The following ARAP2 variants were observed in gnomAD, a reference collection of about 807,000 sequenced individuals.
ARAP2 encodes ArfGAP with RhoGAP domain, ankyrin repeat and PH domain 2, also known as arf-GAP with Rho-GAP domain, ANK repeat and PH domain-containing protein 2.
ARAP2 carries 148 observed loss-of-function variants against 194.5 expected under a neutral mutation model. The observed-to-expected ratio is 0.76, with a 90% confidence interval of 0.67 to 0.87. ARAP2 has a LOEUF of 0.87. Among genes scored for constraint, ARAP2 ranks in the 40% least tolerant of loss-of-function variants. The pLI, the probability that ARAP2 is intolerant of heterozygous loss-of-function variation, is 0.00. For missense variants in ARAP2, 2,128 were observed against 1,989.7 expected (o/e 1.07, Z -1.32); for synonymous variants, 695 against 683.5 (o/e 1.02, Z -0.26).
rs796644280 is a variant in ARAP2 at position 36,233,427 on chromosome 4, GATGTGTGACAAA to G, written c.-159-3794_-159-3783del. 5.9e-5 allele frequency among the ~76,000 whole-genome samples: 9 copies of G among 152,250 alleles called. 1 individual carries two copies. In the South Asian group the frequency reaches 1.9e-3, roughly 32 times the overall value. ...TGTTACACCCTCCAATTATAACTAG[GATGTGTGACAAA>G]ATGTGGTAATTACAGTCCTAAGTTC... On this transcript the variant is annotated intron_variant, in intron 1 of 32. Transcript: ENST00000303965.
rs1751474008 is a variant in ARAP2, at chr4:36,231,590, A to C, written c.-159-1945T>G. Among the ~76,000 whole-genome samples the C allele has an allele frequency of 2.6e-5, 4 of 152,334 alleles. No homozygotes were observed. The South Asian group carries it at 8.3e-4, about 32-fold the overall frequency. ...AATTGGCCAATAACTTGAGAGGATT[A>C]GAAGCATTTTCCTTCTGAAGTAGAA... On this transcript the variant is annotated intron_variant, in intron 1 of 32. Coordinates refer to ENST00000303965, the MANE Select transcript of ARAP2 (RefSeq NM_015230.4).
intron 6 of ARAP2, among the ~76,000 whole-genome samples, chr4:36,195,428 T>C (rs191844468): frequency 5.3e-5 from 8 of 152,314 alleles, no homozygotes; most frequent in African/African-American, 1.4e-4. Context: ...CTGGATAAAT[T>C]AGTCACTTTT....
At chr4:36,047,134 C>G (rs1721963195) in intron 3 of ARAP2, 1 of 152,198 alleles carries the variant, frequency 6.6e-6, no homozygotes, top group South Asian at 2.1e-4. Context: ...CTTCTGCATA[C>G]CAGGTTTCTC....
At position 36,229,635 on chromosome 4, in the gene ARAP2, CCTG is replaced by C. The variant is rs756967740; in HGVS notation, c.-152_-150del. 48 of 523,704 alleles carry C rather than the reference CCTG, an allele frequency of 9.2e-5. No homozygotes were observed. Among genetic ancestry groups the C allele is most frequent in the Non-Finnish European group, 1.4e-4 (42 of 306,274 alleles). The allele number at this position is 523,704 out of a possible 1,614,324, so 32.4% of individuals were successfully genotyped here. A position where few individuals can be genotyped will look rare whatever the true frequency, so the allele number is the denominator to read the frequency against. On this transcript the variant is annotated 5_prime_UTR_variant, in exon 2 of 33. Coordinates refer to ENST00000303965, the MANE Select transcript of ARAP2 (RefSeq NM_015230.4). ...TATTTTCTTCACAGTGACTGCTTTA[CCTG>C]CTTAAGCCTAGAAAAAAATAAAAAA...
In ARAP2 at chr4:36,212,470, A is replaced by T; in HGVS notation, c.1059T>A (p.Asn353Lys). ...LENSKKRSIKNEFLTQGEALK... is the reference protein window; with the variant it reads ...LENSKKRSIKKEFLTQGEALK... ...GTGCTTCTCCCTGGGTCAAAAATTC[A>T]TTCTTTATAGATCGCTTCTATTAAA... Residue 353 changes from asparagine (N) to lysine (K), a missense_variant, in exon 5 of 33, where the codon AAT becomes AAA. Asn to Lys is a moderately conservative substitution (Grantham distance 94, BLOSUM62 0). Transcript: ENST00000303965. 6.2e-7 allele frequency: 1 copy of T among 1,611,980 alleles called. No individual in the cohort carries two copies. Among genetic ancestry groups the T allele is most frequent in the Non-Finnish European group, 8.5e-7 (1 of 1,178,586 alleles).
Position 36,118,539 on chromosome 4 carries a change from C to T in ARAP2, c.3963+1111G>A, listed in dbSNP as rs140601345. On this transcript the variant is annotated intron_variant, in intron 24 of 32. Transcript: ENST00000303965. ...TTACATATACAGACTAAACTGAAAG[C>T]ATTCAAAACATCTTTCTTTATTGTA... Among the ~76,000 whole-genome samples, 53 of 151,320 alleles carry T rather than the reference C, an allele frequency of 3.5e-4. 1 individual carries two copies. In the East Asian group the frequency reaches 0.01, roughly 29 times the overall value.
At chr4:36,088,647 A>G (rs921922666) in intron 28 of ARAP2, among the ~76,000 whole-genome samples, 1 of 152,116 alleles carries the variant, frequency 6.6e-6, no homozygotes, top group Non-Finnish European at 1.5e-5. Context: ...TGAGGAAAGC[A>G]AACATTGGAA....
intron 3 of ARAP2, among the ~76,000 whole-genome samples, chr4:36,049,787 T>C (rs1179861454): frequency 6.6e-6 from 1 of 152,070 alleles, no homozygotes; most frequent in Non-Finnish European, 1.5e-5. Flanking sequence ...CCAATAAACA[T>C]GGAGTATAAG....
chr4:36,136,022 T>G (rs570025248), intron 19 of ARAP2, among the ~76,000 whole-genome samples: 1 of 151,694 alleles, frequency 6.6e-6, no homozygotes, highest in Admixed American at 6.6e-5. Context: ...TAGTGAAGAG[T>G]AGAACTTTCT....
intron 31 of ARAP2, among the ~76,000 whole-genome samples, chr4:36,079,508 C>T (rs1729027473): frequency 6.6e-6 from 1 of 152,094 alleles, no homozygotes; most frequent in African/African-American, 2.4e-5. Flanking sequence ...CCATGAGAAG[C>T]ATTATTGGGA....
chr4:36,224,522 T>C (rs1445492890), intron 2 of ARAP2, among the ~76,000 whole-genome samples: 1 of 152,132 alleles, frequency 6.6e-6, no homozygotes, highest in Non-Finnish European at 1.5e-5. Flanking sequence ...ACAGAACTAC[T>C]GCAACACATA....
chr4:36,100,674 A>C (rs965485047), intron 27 of ARAP2, among the ~76,000 whole-genome samples: 8 of 152,048 alleles, frequency 5.3e-5, no homozygotes, highest in African/African-American at 1.9e-4. Context: ...ATTCACTCAA[A>C]ATGCACTTTG....
At chr4:36,014,330 GAAAGAA>G (rs1560265231) in intron 8 of ARAP2, among the ~76,000 whole-genome samples, 20 of 59,540 alleles carry the variant, frequency 3.4e-4, no homozygotes, top group African/African-American at 1.0e-3. Context: ...AAGAGAGAAA[GAAAGAA>G]AGAAAGAAAG....
Position 36,192,596 on chromosome 4 carries a change from T to C in ARAP2, c.1557+982A>G, listed in dbSNP as rs1742165015. Among the ~76,000 whole-genome samples the C allele has an allele frequency of 2.6e-5, 4 of 152,300 alleles. No homozygotes were observed. The South Asian group carries it at 8.3e-4, about 32-fold the overall frequency. ...TACAGGTGCTGGAGAAAACCAGCAG[T>C]GAGATTCCATCAGCTATAGAGACTA... On this transcript the variant is annotated intron_variant, in intron 7 of 32. Coordinates refer to ENST00000303965, the MANE Select transcript of ARAP2 (RefSeq NM_015230.4).
chr4:36,150,558 C>A (rs1223621993), intron 16 of ARAP2, among the ~76,000 whole-genome samples: 1 of 151,884 alleles, frequency 6.6e-6, no homozygotes, highest in Admixed American at 6.6e-5. Context: ...AGGAGAATCA[C>A]TTGAACCCAG....
chr4:36,164,188 CTGTGTTTGTG>C (rs1734757365), intron 11 of ARAP2, among the ~76,000 whole-genome samples: 4 of 152,126 alleles, frequency 2.6e-5, no homozygotes, highest in Non-Finnish European at 5.9e-5. Context: ...TCTCTCTCAT[CTGTGTTTGTG>C]TGTGTATGTG....
chr4:36,021,818 A>T (rs995145440), intron 5 of ARAP2, among the ~76,000 whole-genome samples: 7 of 152,218 alleles, frequency 4.6e-5, no homozygotes, highest in African/African-American at 1.7e-4. Flanking sequence ...CAATGAGTTT[A>T]TGAGTTGATG....
At chr4:36,138,717 A>C (rs1727465092) in intron 19 of ARAP2, among the ~76,000 whole-genome samples, 1 of 151,664 alleles carries the variant, frequency 6.6e-6, no homozygotes, top group African/African-American at 2.4e-5. Flanking sequence ...TGTTTTGGGC[A>C]AATACCTAGC....
intron 3 of ARAP2, chr4:36,047,051 A>C (rs1721947071): frequency 6.6e-6 from 1 of 152,220 alleles, no homozygotes; most frequent in Non-Finnish European, 1.5e-5. Context: ...GTTCAGAGGC[A>C]CATGCTGGGA....
Sources: allele counts gnomAD v4.1 joint callset (sites outside exome capture counted in the v4.1 genomes callset), GRCh38; gene constraint gnomAD v4.1.1; transcripts MANE v1.5; gene names NCBI Gene and HGNC (gene_info 2026-07-23, HGNC 2026-07-21).